The following ADAMTSL3 variants were observed in gnomAD, a reference collection of about 807,000 sequenced individuals.
ADAMTSL3 encodes the protein ADAMTS like 3, also known as ADAMTS-like protein 3.
ADAMTSL3 carries 128 observed loss-of-function variants against 201.7 expected under a neutral mutation model. That is an observed-to-expected ratio of 0.63 (90% CI 0.55 to 0.73). The LOEUF (loss-of-function observed/expected upper bound fraction) is 0.73. Among genes scored for constraint, ADAMTSL3 ranks in the 30% least tolerant of loss-of-function variants. The pLI, the probability that ADAMTSL3 is intolerant of heterozygous loss-of-function variation, is 0.00. For missense variants in ADAMTSL3, 1,990 were observed against 2,119.6 expected, an observed-to-expected ratio of 0.94 and a Z score of 1.20; for synonymous variants, 738 against 748.4, an observed-to-expected ratio of 0.99 and a Z score of 0.23.
At chr15:84,008,626 A>G (rs1182920443) in intron 23 of ADAMTSL3, among the ~76,000 whole-genome samples, 1 of 152,000 alleles carries the variant, frequency 6.6e-6, no homozygotes, top group Non-Finnish European at 1.5e-5. Context: ...CTCTCTCCCT[A>G]TTGGTCCCAT....
chr15:83,931,049 G>T (rs959635716), intron 17 of ADAMTSL3, among the ~76,000 whole-genome samples: 2 of 152,024 alleles, frequency 1.3e-5, no homozygotes, highest in African/African-American at 4.8e-5. Flanking sequence ...TGCTTTTATG[G>T]GGTTACTCCC....
At chr15:83,920,203 G>T (rs1337104028) in intron 16 of ADAMTSL3, among the ~76,000 whole-genome samples, 4 of 152,190 alleles carry the variant, frequency 2.6e-5, no homozygotes, top group Admixed American at 2.6e-4. Flanking sequence ...GCTCATTTGA[G>T]CATACTCCCA....
chr15:83,994,249 A>T (rs531014727), intron 23 of ADAMTSL3, among the ~76,000 whole-genome samples: 28 of 152,392 alleles, frequency 1.8e-4, no homozygotes, highest in African/African-American at 6.3e-4. Context: ...ACTAAGCTAA[A>T]GAATAAAAAC....
intron 3 of ADAMTSL3, among the ~76,000 whole-genome samples, chr15:83,753,702 C>T (rs976140525): frequency 6.6e-6 from 1 of 151,388 alleles, no homozygotes; most frequent in Non-Finnish European, 1.5e-5. Flanking sequence ...TGTAGATTGT[C>T]AAATATAAAT....
chr15:84,019,372 C>T (rs557616316), intron 25 of ADAMTSL3, among the ~76,000 whole-genome samples: 103 of 151,996 alleles, frequency 6.8e-4, no homozygotes, highest in African/African-American at 2.4e-3. Context: ...CACCTACCCT[C>T]GACCTAGCAG....
chr15:83,736,281 G>A (rs1001315137), intron 3 of ADAMTSL3, among the ~76,000 whole-genome samples: 6 of 152,164 alleles, frequency 3.9e-5, no homozygotes, highest in African/African-American at 1.4e-4. Context: ...ATTAGACCAT[G>A]TCAAAGAAAA....
intron 13 of ADAMTSL3, among the ~76,000 whole-genome samples, chr15:83,894,001 T>C (rs2141897641): frequency 6.6e-6 from 1 of 152,300 alleles, no homozygotes; most frequent in Admixed American, 6.5e-5. Flanking sequence ...AAGAAGTAAA[T>C]ACAACTTGCT....
In ADAMTSL3 at chr15:83,890,237, T is replaced by C. The variant is rs1368041233; in HGVS notation, c.1201T>C (p.Cys401Arg). ...PKLKECSMDP[C>R]PSSDGFKEIM... is the part of the protein sequence containing the mutation. The stretch of plus-strand genomic sequence containing the variant: ...ACTGAAGGAATGCAGCATGGATCCC[T>C]GCCCATCAAGGTTTGTGTCATTGTC... The change falls in exon 11 of 30, where the codon TGC becomes CGC. Residue 401 changes from cysteine to arginine, a missense_variant. Transcript: ENST00000286744. 1 of 1,613,748 alleles carries C rather than the reference T, an allele frequency of 6.2e-7. No homozygotes were observed. Among genetic ancestry groups the C allele is most frequent in the Admixed American group, 1.7e-5 (1 of 59,982 alleles).
chr15:83,732,621 A>G (rs1472784377), intron 3 of ADAMTSL3, among the ~76,000 whole-genome samples: 2 of 152,146 alleles, frequency 1.3e-5, no homozygotes, highest in Non-Finnish European at 2.9e-5. Context: ...AATCTATTAG[A>G]AACTATATAA....
rs538472307 is a variant in ADAMTSL3, at chr15:83,957,650, G to A, written c.2491-12834G>A. Among the ~76,000 whole-genome samples, 7 of 152,152 alleles carry A rather than the reference G, an allele frequency of 4.6e-5. No individual in the cohort carries two copies. The South Asian group carries it at 1.2e-3, about 27-fold the overall frequency. ...GTCCTGGGAAGCTAATGAATGAGACGACATTAATTTTAAAATTAATTAGAA... is the reference window on the plus strand; with the variant it reads ...GTCCTGGGAAGCTAATGAATGAGACAACATTAATTTTAAAATTAATTAGAA... On this transcript the variant is annotated intron_variant, in intron 19 of 29. Coordinates refer to ENST00000286744, the MANE Select transcript of ADAMTSL3 (RefSeq NM_207517.3).
chr15:84,012,239 T>TA lies in ADAMTSL3; in HGVS notation c.3974-2302dup, dbSNP rs1474125068. Among the ~76,000 whole-genome samples the TA allele has an allele frequency of 9.8e-5, 15 of 152,356 alleles. No homozygotes were observed. In the East Asian group the frequency reaches 2.9e-3, roughly 29 times the overall value. On this transcript the variant is annotated intron_variant, in intron 23 of 29. Coordinates refer to ENST00000286744, the MANE Select transcript of ADAMTSL3 (RefSeq NM_207517.3). ...GAATTGCTGAACTGACTGTTACACT[T>TA]AGAGTATCTAAGGCCAAGATCAAGG...
intron 19 of ADAMTSL3, among the ~76,000 whole-genome samples, chr15:83,946,555 T>C (rs1385733679): frequency 6.6e-6 from 1 of 152,200 alleles, no homozygotes; most frequent in East Asian, 1.9e-4. Context: ...GGCCATGGGA[T>C]TGCCAACAGG....
chr15:83,800,762 G>A (rs1596233203), intron 4 of ADAMTSL3, among the ~76,000 whole-genome samples: 1 of 152,042 alleles, frequency 6.6e-6, no homozygotes, highest in African/African-American at 2.4e-5. Flanking sequence ...GCTTTTTACA[G>A]CTGCAAGTCA....
At chr15:83,682,954 C>G (rs2061494245) in intron 2 of ADAMTSL3, among the ~76,000 whole-genome samples, 18 of 152,146 alleles carry the variant, frequency 1.2e-4, no homozygotes, top group Admixed American at 1.2e-3. Flanking sequence ...ACTAAACTGC[C>G]TAGTGGTGAG....
chr15:83,931,410 A>G (rs952355356), intron 17 of ADAMTSL3, among the ~76,000 whole-genome samples: 1 of 152,208 alleles, frequency 6.6e-6, no homozygotes, highest in African/African-American at 2.4e-5. Flanking sequence ...ACACTTGCTC[A>G]AAAGATGATC....
chr15:83,669,589 T>G (rs1226492485), intron 2 of ADAMTSL3, among the ~76,000 whole-genome samples: 3 of 144,908 alleles, frequency 2.1e-5, no homozygotes, highest in Non-Finnish European at 4.5e-5. Context: ...TGCCTCAGCC[T>G]CCTGAGTAGC....
At chr15:83,860,407 C>T (rs1211576372) in intron 8 of ADAMTSL3, among the ~76,000 whole-genome samples, 1 of 152,178 alleles carries the variant, frequency 6.6e-6, no homozygotes, top group Non-Finnish European at 1.5e-5. Flanking sequence ...ACTGTTTTCC[C>T]AGAATACTGT....
intron 6 of ADAMTSL3, among the ~76,000 whole-genome samples, chr15:83,832,002 C>T (rs1251172235): frequency 6.6e-6 from 1 of 152,026 alleles, no homozygotes; most frequent in Admixed American, 6.6e-5. Context: ...GAGTTGATAA[C>T]AGAAACAAAG....
At position 83,899,682 on chromosome 15, in the gene ADAMTSL3, A is replaced by T; in HGVS notation, c.1651A>T (p.Lys551Ter). Residue 551 changes from lysine to a stop codon, truncating the protein, a stop_gained, in exon 15 of 30, where the codon AAA becomes TAA. Transcript: ENST00000286744. LOFTEE classifies it high-confidence loss of function. ...AGTGGAAGCAAAATTGCCTTGGCTG[A>T]AACAAGCACAAGAACTAGAAGAGAC... ...SPVEAKLPWL[K>*]QAQELEETRI... The T allele has an allele frequency of 6.2e-7, 1 of 1,612,486 alleles. No individual in the cohort carries two copies. The highest frequency in any genetic ancestry group is 8.5e-7 in the Non-Finnish European group (1 of 1,178,902).
Sources: allele counts gnomAD v4.1 joint callset (sites outside exome capture counted in the v4.1 genomes callset), GRCh38; gene constraint gnomAD v4.1.1; transcripts MANE v1.5; gene names NCBI Gene and HGNC (gene_info 2026-07-23, HGNC 2026-07-21).